The following CAMK1D variants were observed in gnomAD, a reference collection of about 807,000 sequenced individuals.
CAMK1D encodes the protein calcium/calmodulin-dependent protein kinase type 1D.
Under a neutral mutation model 47.7 loss-of-function variants are expected in CAMK1D, and 9 were observed. The ratio of observed to expected loss-of-function variants is 0.19; its 90% CI spans 0.11 to 0.33. The LOEUF is 0.33. Ranked by LOEUF, CAMK1D falls within the 10% of genes least tolerant of loss-of-function variation. CAMK1D has a pLI of 1.00. For missense variants in CAMK1D, 291 were observed against 488.7 expected (o/e 0.60, Z 3.81); for synonymous variants, 184 against 184.9 (o/e 0.99, Z 0.04).
At position 12,706,825 on chromosome 10, in the gene CAMK1D, C is replaced by T. The variant is rs184009207; in HGVS notation, c.299+40015C>T. ...TTCTTTGAAACAAGCAACCTTTGAG[C>T]ATCTGCTTTGTGCTGTGCTCTTGGA... On this transcript the variant is annotated intron_variant, in intron 3 of 10. Coordinates refer to ENST00000619168, the MANE Select transcript of CAMK1D (RefSeq NM_153498.4). 7.9e-5 allele frequency among the ~76,000 whole-genome samples: 12 copies of T among 152,162 alleles called. No homozygotes were observed. The East Asian group carries it at 1.9e-3, about 24-fold the overall frequency.
chr10:12,702,970 T>C (rs1407659892), intron 3 of CAMK1D, among the ~76,000 whole-genome samples: 1 of 152,192 alleles, frequency 6.6e-6, no homozygotes, highest in African/African-American at 2.4e-5. Flanking sequence ...TTTATAATCA[T>C]ACAGTCCCCA....
intron 1 of CAMK1D, among the ~76,000 whole-genome samples, chr10:12,513,040 G>A (rs138582470): frequency 8.5e-5 from 13 of 152,322 alleles, no homozygotes; most frequent in African/African-American, 2.4e-4. Context: ...TGGATTGACT[G>A]CCCAGGCCAG....
intron 6 of CAMK1D, among the ~76,000 whole-genome samples, chr10:12,808,176 C>T (rs566524202): frequency 2.2e-4 from 34 of 152,386 alleles, no homozygotes; most frequent in African/African-American, 7.9e-4. Flanking sequence ...TAGGCATCCA[C>T]TTCCTCCACT....
chr10:12,358,445 A>G (rs2131837321), intron 1 of CAMK1D, among the ~76,000 whole-genome samples: 1 of 152,268 alleles, frequency 6.6e-6, no homozygotes, highest in Middle Eastern at 3.4e-3. Flanking sequence ...AGGCGTGAGA[A>G]ACGCTTGAGC....
At chr10:12,674,598 G>GTTTTTTTTTT (rs1491441824) in intron 3 of CAMK1D, among the ~76,000 whole-genome samples, 2 of 16,736 alleles carry the variant, frequency 1.2e-4, no homozygotes, top group African/African-American at 3.4e-4. Flanking sequence ...TTGGAAAAAT[G>GTTTTTTTTTT]CTTTTTTTTT....
intron 2 of CAMK1D, among the ~76,000 whole-genome samples, chr10:12,569,535 C>A (rs1461234552): frequency 6.9e-6 from 1 of 145,440 alleles, no homozygotes; most frequent in African/African-American, 2.6e-5. Context: ...ACGGTGAAAC[C>A]CCATCTCTAC....
chr10:12,454,275 G>A (rs1833175259), intron 1 of CAMK1D, among the ~76,000 whole-genome samples: 1 of 152,160 alleles, frequency 6.6e-6, no homozygotes, highest in African/African-American at 2.4e-5. Flanking sequence ...CAATTCCCCT[G>A]CCTCAGCCTC....
intron 1 of CAMK1D, among the ~76,000 whole-genome samples, chr10:12,418,234 A>T (rs1365005445): frequency 6.6e-6 from 1 of 152,210 alleles, no homozygotes; most frequent in Non-Finnish European, 1.5e-5. Context: ...GAGGCAGAGA[A>T]CATGCCATCA....
intron 6 of CAMK1D, among the ~76,000 whole-genome samples, chr10:12,807,847 G>A (rs11258002): frequency 0.01 from 1,545 of 152,132 alleles, 24 homozygotes; most frequent in African/African-American, 0.035. Flanking sequence ...TTGGCCACTC[G>A]TCTTCCTGAC....
At chr10:12,467,687 A>C (rs1269934846) in intron 1 of CAMK1D, among the ~76,000 whole-genome samples, 3 of 152,240 alleles carry the variant, frequency 2.0e-5, no homozygotes, top group Admixed American at 1.3e-4. Context: ...GATACACTTC[A>C]TAATGCTTGG....
intron 2 of CAMK1D, among the ~76,000 whole-genome samples, chr10:12,653,746 T>C (rs1315277773): frequency 6.6e-6 from 1 of 152,258 alleles, no homozygotes; most frequent in African/African-American, 2.4e-5. Flanking sequence ...TTTCATCTCA[T>C]CTTTTTCTTT....
intron 5 of CAMK1D, among the ~76,000 whole-genome samples, chr10:12,784,188 G>A (rs928919374): frequency 7.1e-6 from 1 of 140,472 alleles, no homozygotes; most frequent in Non-Finnish European, 1.5e-5. Context: ...AACTTCCTTG[G>A]AGAAAAGGTA....
chr10:12,552,087 G>A (rs971843244), intron 1 of CAMK1D, among the ~76,000 whole-genome samples: 3 of 152,214 alleles, frequency 2.0e-5, no homozygotes, highest in African/African-American at 7.2e-5. Flanking sequence ...TTCCATGCCA[G>A]GGTTATTAGT....
chr10:12,586,314 GCCT>G (rs1319536403), intron 2 of CAMK1D, among the ~76,000 whole-genome samples: 2 of 151,926 alleles, frequency 1.3e-5, no homozygotes, highest in African/African-American at 4.8e-5. Context: ...AAGACATCTG[GCCT>G]CCTCAGCTGT....
intron 1 of CAMK1D, among the ~76,000 whole-genome samples, chr10:12,453,767 A>C (rs1221901171): frequency 6.6e-6 from 1 of 152,260 alleles, no homozygotes; most frequent in Admixed American, 6.5e-5. Flanking sequence ...TAAAGTTTTA[A>C]ATGTAACAAC....
chr10:12,477,898 G>A (rs12778530), intron 1 of CAMK1D, among the ~76,000 whole-genome samples: 22,689 of 152,110 alleles, frequency 0.15, 1,797 homozygotes, highest in South Asian at 0.21. Flanking sequence ...CTTTATTCCA[G>A]TCTTGTAGAT....
At chr10:12,444,431 A>G (rs1289365856) in intron 1 of CAMK1D, among the ~76,000 whole-genome samples, 1 of 152,184 alleles carries the variant, frequency 6.6e-6, no homozygotes, top group African/African-American at 2.4e-5. Flanking sequence ...AAAATATTTA[A>G]GGAGGTTTCT....
chr10:12,756,363 G>A (rs1373083879), intron 3 of CAMK1D, among the ~76,000 whole-genome samples: 1 of 152,196 alleles, frequency 6.6e-6, no homozygotes, highest in East Asian at 1.9e-4. Context: ...GGACTAACAA[G>A]GGATACATTG....
At chr10:12,744,721 T>A (rs2130855646) in intron 3 of CAMK1D, among the ~76,000 whole-genome samples, 1 of 147,906 alleles carries the variant, frequency 6.8e-6, no homozygotes, top group South Asian at 2.1e-4. Flanking sequence ...TGAGAGTTGG[T>A]CTCTACAAAA....
Sources: allele counts gnomAD v4.1 joint callset (sites outside exome capture counted in the v4.1 genomes callset), GRCh38; gene constraint gnomAD v4.1.1; transcripts MANE v1.5; gene names NCBI Gene and HGNC (gene_info 2026-07-23, HGNC 2026-07-21).